Variants in PANK1 observed in about 807,000 individuals in gnomAD.
The protein encoded by PANK1 is pantothenate kinase 1.
A neutral mutation model predicts 40.1 loss-of-function variants in PANK1; 18 were observed. The observed-to-expected ratio is 0.45, with a 90% CI of 0.31 to 0.67. The LOEUF (loss-of-function observed/expected upper bound fraction) is 0.67. PANK1 is among the 30% of genes least tolerant of loss of function. The probability of loss-of-function intolerance (pLI) is 0.06; values close to 1 mark genes in which losing one functional copy is unlikely to be tolerated. For synonymous variants in PANK1, 242 were observed against 237.7 expected, an observed-to-expected ratio of 1.02 and a Z score of -0.17; for missense variants, 457 against 599.6, an observed-to-expected ratio of 0.76 and a Z score of 2.48.
At chr10:89,579,726 C>T (rs1277774569), downstream of PANK1, 1 of 152,134 alleles carries the variant, frequency 6.6e-6, no homozygotes, top group East Asian at 1.9e-4. Flanking sequence ...CCTCTCTATC[C>T]TATCACCCTG....
chr10:89,605,728 G>A (rs907496942), intron 2 of PANK1, among the ~76,000 whole-genome samples: 1 of 152,020 alleles, frequency 6.6e-6, no homozygotes, highest in Admixed American at 6.6e-5. Context: ...AATCTGAAAT[G>A]TTCTTAATGG....
intron 2 of PANK1, among the ~76,000 whole-genome samples, chr10:89,603,550 C>A (rs989821014): frequency 2.6e-5 from 4 of 152,112 alleles, no homozygotes; most frequent in Non-Finnish European, 5.9e-5. Flanking sequence ...AGATAAAATG[C>A]ATCACTGTGG....
At chr10:89,627,227 A>C (rs941615645) in intron 1 of PANK1, among the ~76,000 whole-genome samples, 1 of 137,356 alleles carries the variant, frequency 7.3e-6, no homozygotes, top group Non-Finnish European at 1.6e-5. Flanking sequence ...GACTGAAAAT[A>C]TTTGAAAAAA....
chr10:89,627,597 C>T (rs1020963690), intron 1 of PANK1, among the ~76,000 whole-genome samples: 7 of 152,136 alleles, frequency 4.6e-5, no homozygotes, highest in African/African-American at 1.4e-4. Context: ...TGAGCCAGCC[C>T]CCTTGGCACT....
At chr10:89,639,981 C>T (rs1589823342) in intron 1 of PANK1, among the ~76,000 whole-genome samples, 1 of 152,238 alleles carries the variant, frequency 6.6e-6, no homozygotes, top group East Asian at 1.9e-4. Flanking sequence ...CTTTTTTTTC[C>T]CAACATAAAT....
intron 1 of PANK1, among the ~76,000 whole-genome samples, chr10:89,631,843 A>C (rs1841653423): frequency 6.6e-6 from 1 of 152,210 alleles, no homozygotes; most frequent in Admixed American, 6.5e-5. Context: ...TACAAATGAG[A>C]TGTAACAATT....
chr10:89,595,245 GT>G (rs1251796007), intron 3 of PANK1, among the ~76,000 whole-genome samples: 1 of 152,080 alleles, frequency 6.6e-6, no homozygotes, highest in Non-Finnish European at 1.5e-5. Context: ...GAGGTCAGGA[GT>G]TTGAGACCAG....
chr10:89,631,976 G>GTTT (rs68094860), intron 1 of PANK1, among the ~76,000 whole-genome samples: 3,779 of 143,298 alleles, frequency 0.026, 52 homozygotes, highest in South Asian at 0.035. Flanking sequence ...GTGTGTGTGT[G>GTTT]TTTTTTTTTT....
intron 1 of PANK1, among the ~76,000 whole-genome samples, chr10:89,629,260 C>T (rs912380705): frequency 1.3e-5 from 2 of 152,148 alleles, no homozygotes; most frequent in African/African-American, 2.4e-5. Flanking sequence ...CAGCTGCCTT[C>T]GGGGTTATCA....
chr10:89,603,012 T>C (rs1025335157), intron 2 of PANK1, among the ~76,000 whole-genome samples: 3 of 152,156 alleles, frequency 2.0e-5, no homozygotes, highest in African/African-American at 7.2e-5. Context: ...ATTTTATCTA[T>C]ATATATCCTA....
chr10:89,586,549 A>T (rs1190030238), intron 6 of PANK1, among the ~76,000 whole-genome samples: 1 of 152,240 alleles, frequency 6.6e-6, no homozygotes, highest in Non-Finnish European at 1.5e-5. Flanking sequence ...TACTTTAATA[A>T]AACAAAATGC....
At chr10:89,586,295 T>G in intron 6 of PANK1, among the ~76,000 whole-genome samples, 2 of 152,328 alleles carry the variant, frequency 1.3e-5, no homozygotes, top group South Asian at 4.1e-4. Flanking sequence ...ACAGGAGTTT[T>G]CTTTTTCCTT....
chr10:89,635,151 G>C (rs916396055), intron 1 of PANK1, among the ~76,000 whole-genome samples: 3 of 151,824 alleles, frequency 2.0e-5, no homozygotes, highest in Non-Finnish European at 4.4e-5. Flanking sequence ...TATAGAGAGA[G>C]AGAGAGATAA....
chr10:89,620,407 C>T (rs998776177), intron 1 of PANK1, among the ~76,000 whole-genome samples: 5 of 152,168 alleles, frequency 3.3e-5, no homozygotes, highest in Non-Finnish European at 7.3e-5. Context: ...CTAAAATGGC[C>T]GCTCTGGGAG....
chr10:89,638,369 A>G (rs936842675), intron 1 of PANK1, among the ~76,000 whole-genome samples: 6 of 152,206 alleles, frequency 3.9e-5, no homozygotes, highest in Non-Finnish European at 8.8e-5. Context: ...ATGCCTTCAG[A>G]GTCATTCTTC....
intron 1 of PANK1, among the ~76,000 whole-genome samples, chr10:89,639,892 A>C (rs1035163848): frequency 5.3e-5 from 8 of 152,260 alleles, no homozygotes; most frequent in Non-Finnish European, 8.8e-5. Flanking sequence ...TGTTACCTCC[A>C]CAGACACATG....
intron 1 of PANK1, among the ~76,000 whole-genome samples, chr10:89,640,392 T>TACACAC (rs34655029): frequency 0.033 from 4,903 of 150,036 alleles, 348 homozygotes; most frequent in East Asian, 0.26. Flanking sequence ...AAGGAGAGAA[T>TACACAC]ACACACACAC....
Position 89,629,716 on chromosome 10 carries a change from G to A in PANK1, c.292+14884C>T, listed in dbSNP as rs372975600. On this transcript the variant is annotated intron_variant, in intron 1 of 6. Transcript: ENST00000307534. ...TTACGGATGATAGCTGCAGCTTCACGAACTTCACCCATTTATTTCTGTACT... is the reference window on the plus strand; with the variant it reads ...TTACGGATGATAGCTGCAGCTTCACAAACTTCACCCATTTATTTCTGTACT... 2.6e-4 allele frequency among the ~76,000 whole-genome samples: 40 copies of A among 152,268 alleles called. No homozygotes were observed. The East Asian group carries it at 6.4e-3, about 24-fold the overall frequency.
At chr10:89,636,422 G>A (rs780762586) in intron 1 of PANK1, among the ~76,000 whole-genome samples, 17 of 151,102 alleles carry the variant, frequency 1.1e-4, no homozygotes, top group African/African-American at 1.7e-4. Flanking sequence ...CTGCAGGCTC[G>A]GCCCCCCGGG....
Sources: gnomAD v4.1 joint callset for allele counts (sites outside exome capture counted in the v4.1 genomes callset) on GRCh38, gnomAD v4.1.1 for gene constraint, MANE v1.5 for transcripts, NCBI Gene and HGNC (gene_info 2026-07-23, HGNC 2026-07-21) for gene names.